The following MYBPC3 variants were observed in gnomAD, a reference collection of about 807,000 sequenced individuals.
MYBPC3 encodes the protein myosin binding protein C3, also known as myosin-binding protein C, cardiac-type.
A neutral mutation model predicts 159.3 loss-of-function variants in MYBPC3; 108 were observed. That is an observed-to-expected ratio of 0.68 (90% CI 0.58 to 0.80). The LOEUF is 0.80. Ranked by LOEUF, MYBPC3 falls within the 30% of genes least tolerant of loss-of-function variation. The pLI, the probability that MYBPC3 is intolerant of heterozygous loss-of-function variation, is 0.00. For synonymous variants in MYBPC3, 730 were observed against 702.0 expected, an observed-to-expected ratio of 1.04 and a Z score of -0.63; for missense variants, 1,631 against 1,762.1, an observed-to-expected ratio of 0.93 and a Z score of 1.33.
At position 47,332,273 on chromosome 11, in the gene MYBPC3, AAG is replaced by A; in HGVS notation, c.3628-17_3628-16del. 6.2e-7 allele frequency: 1 copy of A among 1,613,152 alleles called. No individual in the cohort carries two copies. Among genetic ancestry groups the A allele is most frequent in the Non-Finnish European group, 8.5e-7 (1 of 1,179,578 alleles). Reference sequence around the variant, plus strand: ...GAAATCTTGGGCTATAAATAAGGTAAAGAGAGGGAGGGAAGCCATCCAGGCTG... The same window carrying A: ...GAAATCTTGGGCTATAAATAAGGTAAAGAGGGAGGGAAGCCATCCAGGCTG... On this transcript the variant is annotated splice_polypyrimidine_tract_variant and intron_variant, in intron 32 of 34. Coordinates refer to ENST00000545968, the MANE Select transcript of MYBPC3 (RefSeq NM_000256.3). The surrounding 1 kb of genome is among the most constrained non-coding windows in gnomAD (Gnocchi z 4.2).
intron 25 of MYBPC3, among the ~76,000 whole-genome samples, chr11:47,337,106 T>C (rs1380807155): frequency 3.9e-5 from 6 of 152,244 alleles, no homozygotes; most frequent in Non-Finnish European, 7.3e-5. Context: ...AGTGTCATTA[T>C]TCCCATTTTG....
In MYBPC3 at chr11:47,351,457, C is replaced by A; in HGVS notation, c.74G>T (p.Ser25Ile). 1 of 1,600,362 alleles carries A rather than the reference C, an allele frequency of 6.2e-7. No individual in the cohort carries two copies. Residue 25 changes from serine to isoleucine, a missense_variant, in exon 2 of 35, where the codon AGC becomes ATC. Coordinates refer to ENST00000545968, the MANE Select transcript of MYBPC3 (RefSeq NM_000256.3). This position sits in a 1 kb window ranked among gnomAD's most constrained non-coding sequence, Gnocchi z 4.2. ...KPRSVEVAAG[S>I]PAVFEAETER... Reference sequence around the variant, plus strand: ...TGTCTCGGCCTCGAACACGGCAGGGCTGCCTGCGGCCACTTCCACTGACCG... The same window carrying A: ...TGTCTCGGCCTCGAACACGGCAGGGATGCCTGCGGCCACTTCCACTGACCG...
At chr11:47,336,067 C>G in intron 25 of MYBPC3, 56 bp from the exon 26 acceptor site, 2 of 1,379,594 alleles carry the variant, frequency 1.4e-6, no homozygotes, top group South Asian at 1.9e-5. Flanking sequence ...AGCTGGAGAT[C>G]CATGCCCTAG....
chr11:47,351,110 C>A lies in MYBPC3; in HGVS notation c.292+129G>T. ...GAAAAGGGGGAAAGGGCGTTCCTGG[C>A]GGGGGGCACAGCCACAGCAAAGGCA... On this transcript the variant is annotated intron_variant, in intron 2 of 34. Coordinates refer to ENST00000545968, the MANE Select transcript of MYBPC3 (RefSeq NM_000256.3). The surrounding 1 kb of genome is among the most constrained non-coding windows in gnomAD (Gnocchi z 4.2). 8.2e-7 allele frequency: 1 copy of A among 1,218,800 alleles called. No homozygotes were observed. The allele number at this position is 1,218,800 out of a possible 1,614,324, so 75.5% of individuals were successfully genotyped here.
chr11:47,342,990 A>G, intron 15 of MYBPC3, 31 bp downstream of exon 15: 1 of 1,612,802 alleles, frequency 6.2e-7, no homozygotes, highest in Non-Finnish European at 8.5e-7. Flanking sequence ...TCTCCTCCCC[A>G]GGTTCCCACA....
At chr11:47,350,468 C>A (rs764370801) in intron 3 of MYBPC3, 34 bp downstream of exon 3, 2 of 1,543,708 alleles carry the variant, frequency 1.3e-6, no homozygotes, top group South Asian at 1.2e-5. Context: ...GCCCTACCCA[C>A]GGATCCTGCC....
chr11:47,347,623 G>T (rs1220068172), intron 8 of MYBPC3, 28 bp downstream of exon 8: 2 of 1,570,440 alleles, frequency 1.3e-6, no homozygotes, highest in Non-Finnish European at 1.7e-6. Flanking sequence ...TCTGCGGATG[G>T]TGCAGGTAGG....
Position 47,348,538 on chromosome 11 carries a change from A to G in MYBPC3, c.658T>C (p.Tyr220His). The part of the protein sequence containing the change: ...HDSYDRASKV[Y>H]LFELHITDAQ... ...TCGGTGATGTGCAGCTCGAACAGAT[A>G]GACCTGTGTGCATGGAGGGACGGGG... Residue 220 changes from tyrosine to histidine, a missense_variant, in exon 6 of 35, where the codon TAT (tyrosine) becomes CAT (histidine). Physicochemically the swap from Tyr to His is moderately conservative, Grantham distance 83 (BLOSUM62 2). Coordinates refer to ENST00000545968, the MANE Select transcript of MYBPC3 (RefSeq NM_000256.3). The G allele has an allele frequency of 1.2e-6, 2 of 1,611,266 alleles. No homozygotes were observed. Among genetic ancestry groups the G allele is most frequent in the South Asian group, 2.2e-5 (2 of 90,682 alleles).
intron 2 of MYBPC3, 123 bp from the exon 3 acceptor site, chr11:47,350,738 C>T (rs2095899905): frequency 1.4e-5 from 19 of 1,360,938 alleles, no homozygotes; most frequent in Non-Finnish European, 1.8e-5. Flanking sequence ...TGGCTGTCCT[C>T]CCGCTGCCTG....
At chr11:47,331,965 T>C in intron 33 of MYBPC3, 84 bp from the exon 34 acceptor site, 1 of 1,593,318 alleles carries the variant, frequency 6.3e-7, no homozygotes, top group East Asian at 2.3e-5. Flanking sequence ...GTCCGTGCCC[T>C]TGCAGCCAGG....
rs773032022 is a variant in MYBPC3, at chr11:47,337,425, C to A, written c.2568G>T (p.Arg856Ser). 1.2e-6 allele frequency: 2 copies of A among 1,607,428 alleles called. No individual in the cohort carries two copies. The highest frequency in any genetic ancestry group is 2.2e-5 in the South Asian group (2 of 90,822). Reference sequence around the variant, plus strand: ...TGAAGGGCTGGGAGGCAGGGCTGGGCCTGGACATGCCGATGGCGTTGACCG... The same window carrying A: ...TGAAGGGCTGGGAGGCAGGGCTGGGACTGGACATGCCGATGGCGTTGACCG... ...VYAVNAIGMS[R>S]PSPASQPFMP... is the part of the protein sequence containing the mutation. Residue 856 changes from arginine to serine, a missense_variant, in exon 25 of 35, where the codon AGG (arginine) becomes AGT (serine). By Grantham distance (110) the Arg-to-Ser change is moderately radical. Transcript: ENST00000545968.
rs371140684 is a variant in MYBPC3, at chr11:47,351,457, C to T, written c.74G>A (p.Ser25Asn). Residue 25 changes from serine (S) to asparagine (N), a missense_variant, in exon 2 of 35, where the codon AGC (serine) becomes AAC (asparagine). Ser to Asn is a conservative substitution (Grantham distance 46). Coordinates refer to ENST00000545968, the MANE Select transcript of MYBPC3 (RefSeq NM_000256.3). The surrounding 1 kb of genome is among the most constrained non-coding windows in gnomAD (Gnocchi z 4.2). ...TGTCTCGGCCTCGAACACGGCAGGGCTGCCTGCGGCCACTTCCACTGACCG... is the reference window on the plus strand; with the variant it reads ...TGTCTCGGCCTCGAACACGGCAGGGTTGCCTGCGGCCACTTCCACTGACCG... ...KPRSVEVAAG[S>N]PAVFEAETER... 54 of 1,600,366 alleles carry T rather than the reference C, an allele frequency of 3.4e-5. No homozygotes were observed. The African/African-American group carries it at 6.7e-4, about 20-fold the overall frequency.
intron 17 of MYBPC3, 90 bp from the exon 18 acceptor site, chr11:47,342,246 G>T: frequency 4.1e-6 from 6 of 1,465,042 alleles, no homozygotes; most frequent in Non-Finnish European, 4.6e-6. Flanking sequence ...ATGGGCGCTG[G>T]TGCGCACGTG....
In MYBPC3 at chr11:47,338,939, C is replaced by G. The variant is rs1031662237; in HGVS notation, c.2149-260G>C. On this transcript the variant is annotated intron_variant, in intron 22 of 34. Coordinates refer to ENST00000545968, the MANE Select transcript of MYBPC3 (RefSeq NM_000256.3). The surrounding 1 kb of genome is among the most constrained non-coding windows in gnomAD (Gnocchi z 4.7). The stretch of plus-strand genomic sequence containing the variant: ...TCATGAGGACCCCTCAAGACCCCAG[C>G]CTTCAGAAGAACCAACAGTGCCAGG... 7.2e-5 allele frequency among the ~76,000 whole-genome samples: 11 copies of G among 152,326 alleles called. No homozygotes were observed. The highest frequency in any genetic ancestry group is 1.3e-4 in the Non-Finnish European group (9 of 68,028).
At chr11:47,350,671 C>CCT in intron 2 of MYBPC3, 56 bp from the exon 3 acceptor site, 1 of 1,418,402 alleles carries the variant, frequency 7.1e-7, no homozygotes, top group Non-Finnish European at 9.2e-7. Context: ...ACCCCTCCAC[C>CCT]CTCTCTCTCC....
Position 47,336,237 on chromosome 11 carries a change from C to T in MYBPC3, c.2603-226G>A, listed in dbSNP as rs1003702205. On this transcript the variant is annotated intron_variant, in intron 25 of 34. Coordinates refer to ENST00000545968, the MANE Select transcript of MYBPC3 (RefSeq NM_000256.3). ...GCACGGTGGCTCACGCCTGTAATCCCAGCACTTTGGGAGGCCGAGGTGGGA... is the reference window on the plus strand; with the variant it reads ...GCACGGTGGCTCACGCCTGTAATCCTAGCACTTTGGGAGGCCGAGGTGGGA... 1.1e-4 allele frequency: 38 copies of T among 351,316 alleles called. No individual in the cohort carries two copies. In the Admixed American group the frequency reaches 1.7e-3, roughly 16 times the overall value. 21.8% of individuals were successfully genotyped at this position (351,316 alleles called of 1,614,324 possible). A position where few individuals can be genotyped will look rare whatever the true frequency, so the allele number is the denominator to read the frequency against.
At position 47,338,031 on chromosome 11, in the gene MYBPC3, C is replaced by T. The variant is rs2095884291; in HGVS notation, c.2309-237G>A. ...GGTCTCAACAGGATGCATTTCTGAT[C>T]ATGTCGCCAGCCCTCCGTCAACCCT... On this transcript the variant is annotated intron_variant, in intron 23 of 34. Transcript: ENST00000545968. This position sits in a 1 kb window ranked among gnomAD's most constrained non-coding sequence, Gnocchi z 4.7. 6.9e-6 allele frequency among the ~76,000 whole-genome samples: 1 copy of T among 144,558 alleles called. No homozygotes were observed. The highest frequency in any genetic ancestry group is 1.5e-5 in the Non-Finnish European group (1 of 66,800). The allele number at this position is 144,558 out of a possible 152,430, so 94.8% of individuals were successfully genotyped here. A position where few individuals can be genotyped will look rare whatever the true frequency, so the allele number is the denominator to read the frequency against.
At chr11:47,344,153 T>C (rs1490375686) in intron 12 of MYBPC3, among the ~76,000 whole-genome samples, 1 of 152,246 alleles carries the variant, frequency 6.6e-6, no homozygotes, top group East Asian at 1.9e-4. Flanking sequence ...TCTGTCTTCC[T>C]TGGGGTCCTC....
Position 47,335,182 on chromosome 11 carries a change from C to T in MYBPC3, c.2765G>A (p.Gly922Glu), listed in dbSNP as rs751224775. The T allele has an allele frequency of 1.2e-5, 20 of 1,607,224 alleles. No individual in the cohort carries two copies. In the African/African-American group the frequency reaches 2.3e-4, roughly 18 times the overall value. The change falls in exon 27 of 35, where the codon GGG (glycine) becomes GAG (glutamate). Residue 922 changes from glycine (G) to glutamate (E), a missense_variant. Transcript: ENST00000545968. ...CAGTATCGATGTGTGCTCTGTCAGC[C>T]CCTGCAGGGCAGCCACCCACTCTGA... ...GCSEWVAALQGLTEHTSILVK... is the reference protein window; with the variant it reads ...GCSEWVAALQELTEHTSILVK...
Sources: allele counts gnomAD v4.1 joint callset (sites outside exome capture counted in the v4.1 genomes callset), GRCh38; gene constraint gnomAD v4.1.1; non-coding constraint Gnocchi (gnomAD v3.1); transcripts MANE v1.5; gene names NCBI Gene and HGNC (gene_info 2026-07-23, HGNC 2026-07-21).